FTO: variants seen among roughly 807,000 people sequenced by gnomAD.
FTO encodes the protein FTO alpha-ketoglutarate dependent dioxygenase.
A neutral mutation model predicts 63.9 loss-of-function variants in FTO; 47 were observed. The ratio of observed to expected loss-of-function variants is 0.74; its 90% CI spans 0.58 to 0.94. The LOEUF (loss-of-function observed/expected upper bound fraction) is 0.94. FTO is among the 40% of genes least tolerant of loss of function. FTO has a pLI of 0.00. For missense variants in FTO, 562 were observed against 618.1 expected (o/e 0.91, Z 0.96); for synonymous variants, 207 against 224.4 (o/e 0.92, Z 0.69).
rs2086937993 is a variant in FTO at position 54,113,641 on chromosome 16, G to A, written c.*1726G>A. ...AAATAAATGAAATAACATAGACCAG[G>A]AGGGCGTGGTGTTTAAAAGTCACAG... is the stretch of plus-strand genomic sequence containing the variant. On this transcript the variant is annotated 3_prime_UTR_variant, in exon 9 of 9. Transcript: ENST00000471389. The A allele has an allele frequency of 6.6e-6, 1 of 152,110 alleles. No individual in the cohort carries two copies. Among genetic ancestry groups the A allele is most frequent in the South Asian group, 2.1e-4 (1 of 4,814 alleles). The allele number at this position is 152,110 out of a possible 1,614,324, so 9.4% of individuals were successfully genotyped here.
At chr16:53,801,036 TA>T (rs955482770) in intron 1 of FTO, among the ~76,000 whole-genome samples, 7 of 152,234 alleles carry the variant, frequency 4.6e-5, no homozygotes, top group Admixed American at 3.3e-4. Flanking sequence ...ATACTGCTTT[TA>T]AAAAAATCCA....
At chr16:53,937,785 A>G (rs2082425733) in intron 8 of FTO, 1 of 152,290 alleles carries the variant, frequency 6.6e-6, no homozygotes, top group Admixed American at 6.5e-5. Flanking sequence ...TTAAGATTTA[A>G]TGGTGACAGT....
chr16:54,022,599 C>T (rs1382381951), intron 8 of FTO, among the ~76,000 whole-genome samples: 4 of 152,128 alleles, frequency 2.6e-5, no homozygotes, highest in Non-Finnish European at 2.9e-5. Flanking sequence ...GCTCAAGTGA[C>T]GGCTTGTCAA....
At chr16:53,777,824 GATTA>G (rs2077496509) in intron 1 of FTO, among the ~76,000 whole-genome samples, 1 of 152,156 alleles carries the variant, frequency 6.6e-6, no homozygotes, top group Non-Finnish European at 1.5e-5. Flanking sequence ...AAGCTCACTT[GATTA>G]ATTGTTGAGA....
At chr16:53,789,576 A>G (rs951508031) in intron 1 of FTO, among the ~76,000 whole-genome samples, 1 of 152,192 alleles carries the variant, frequency 6.6e-6, no homozygotes, top group Non-Finnish European at 1.5e-5. Context: ...ATGTAGCCTC[A>G]GACACTTAAG....
intron 1 of FTO, among the ~76,000 whole-genome samples, chr16:53,705,639 G>A (rs1024854143): frequency 2.6e-5 from 4 of 152,250 alleles, no homozygotes; most frequent in South Asian, 2.1e-4. Flanking sequence ...GCAGTATTTC[G>A]TAAGGGACCA....
chr16:53,978,833 C>T (rs1417895693), intron 8 of FTO, among the ~76,000 whole-genome samples: 1 of 152,072 alleles, frequency 6.6e-6, no homozygotes, highest in Non-Finnish European at 1.5e-5. Context: ...CCCTTCTCTA[C>T]TAAAAATACA....
At chr16:53,705,236 T>TA (rs1385449087) in intron 1 of FTO, among the ~76,000 whole-genome samples, 1 of 152,178 alleles carries the variant, frequency 6.6e-6, no homozygotes, top group Non-Finnish European at 1.5e-5. Context: ...CCTTTCTCCT[T>TA]ACTCTGCCAA....
intron 8 of FTO, among the ~76,000 whole-genome samples, chr16:54,052,261 A>C (rs546534129): frequency 2.6e-5 from 4 of 152,200 alleles, no homozygotes; most frequent in African/African-American, 4.8e-5. Context: ...GTCCACCACT[A>C]TCAGACATCT....
chr16:54,004,625 A>G (rs2084151360), intron 8 of FTO, among the ~76,000 whole-genome samples: 3 of 152,172 alleles, frequency 2.0e-5, no homozygotes, highest in African/African-American at 7.2e-5. Context: ...ATGAGTTTAC[A>G]TCAGTAAAAA....
Position 54,115,147 on chromosome 16 carries a change from T to G in FTO, c.*3232T>G, listed in dbSNP as rs186191639. ...CCCATGTGTGCGGATAAGGGACCACTTCCATCAGCAGCAGCCCCCTCCTGC... is the reference window on the plus strand; with the variant it reads ...CCCATGTGTGCGGATAAGGGACCACGTCCATCAGCAGCAGCCCCCTCCTGC... On this transcript the variant is annotated 3_prime_UTR_variant, in exon 9 of 9. Transcript: ENST00000471389. 6.6e-6 allele frequency: 1 copy of G among 152,304 alleles called. No homozygotes were observed. The highest frequency in any genetic ancestry group is 1.9e-4 in the East Asian group (1 of 5,162). The allele number at this position is 152,304 out of a possible 1,614,324, so 9.4% of individuals were successfully genotyped here. A position where few individuals can be genotyped will look rare whatever the true frequency, so the allele number is the denominator to read the frequency against.
At position 53,789,106 on chromosome 16, in the gene FTO, C is replaced by A. The variant is rs558687573; in HGVS notation, c.46-21034C>A. On this transcript the variant is annotated intron_variant, in intron 1 of 8. Transcript: ENST00000471389. ...AAGATATTCTCTCAAGTGAGGACTT[C>A]ATGTGCCAGATTTTTCAGCCTGGAT... 7.9e-5 allele frequency among the ~76,000 whole-genome samples: 12 copies of A among 152,314 alleles called. No homozygotes were observed. The East Asian group carries it at 2.1e-3, about 27-fold the overall frequency.
At chr16:53,738,453 A>G (rs2076443531) in intron 1 of FTO, among the ~76,000 whole-genome samples, 1 of 152,176 alleles carries the variant, frequency 6.6e-6, no homozygotes, top group African/African-American at 2.4e-5. Flanking sequence ...GCTGAATAAT[A>G]TTCCATTATA....
chr16:53,883,428 C>G (rs974144459), intron 6 of FTO, among the ~76,000 whole-genome samples: 1 of 152,034 alleles, frequency 6.6e-6, no homozygotes, highest in South Asian at 2.1e-4. Flanking sequence ...CGAGACCAGC[C>G]TGGCCAACAT....
At chr16:53,754,311 A>G (rs1194701182) in intron 1 of FTO, among the ~76,000 whole-genome samples, 1 of 152,234 alleles carries the variant, frequency 6.6e-6, no homozygotes, top group African/African-American at 2.4e-5. Context: ...TTAGAATTCC[A>G]GGTCCAGAAC....
intron 8 of FTO, among the ~76,000 whole-genome samples, chr16:53,977,544 T>G (rs190219816): frequency 4.5e-4 from 68 of 152,360 alleles, no homozygotes; most frequent in African/African-American, 1.6e-3. Flanking sequence ...TTTGATTATT[T>G]TAGCATTAAG....
At chr16:53,888,999 A>G in intron 7 of FTO, 48 bp downstream of exon 7, 2 of 1,603,044 alleles carry the variant, frequency 1.2e-6, no homozygotes, top group Non-Finnish European at 8.5e-7. Flanking sequence ...GCTGTGTTAT[A>G]CAAATCCTCC....
At chr16:53,883,640 A>AAAAAAAAAAAAAAAC (rs1567396651) in intron 6 of FTO, among the ~76,000 whole-genome samples, 2 of 150,196 alleles carry the variant, frequency 1.3e-5, no homozygotes, top group African/African-American at 5.0e-5. Context: ...AAAAAACAAA[A>AAAAAAAAAAAAAAAC]AAAAAAAAAC....
intron 8 of FTO, among the ~76,000 whole-genome samples, chr16:54,006,272 CA>C (rs1191555324): frequency 6.6e-6 from 1 of 152,174 alleles, no homozygotes; most frequent in Non-Finnish European, 1.5e-5. Context: ...AATCTTATGT[CA>C]AAACTTAGCT....
Sources: gnomAD v4.1 joint callset for allele counts (sites outside exome capture counted in the v4.1 genomes callset) on GRCh38, gnomAD v4.1.1 for gene constraint, MANE v1.5 for transcripts, NCBI Gene and HGNC (gene_info 2026-07-23, HGNC 2026-07-21) for gene names.